PCDH9: variants seen among roughly 807,000 people sequenced by gnomAD.
PCDH9 encodes protocadherin 9.
A neutral mutation model predicts 70.6 loss-of-function variants in PCDH9; 24 were observed. That is an observed-to-expected ratio of 0.34 (90% confidence interval 0.25 to 0.48). The LOEUF is 0.48. PCDH9 is among the 20% of genes least tolerant of loss of function. The pLI is 0.99. For synonymous variants in PCDH9, 562 were observed against 558.5 expected, an observed-to-expected ratio of 1.01 and a Z score of -0.09; for missense variants, 1,281 against 1,503.6, an observed-to-expected ratio of 0.85 and a Z score of 2.45.
At chr13:66,794,302 G>C (rs2080205954) in intron 3 of PCDH9, among the ~76,000 whole-genome samples, 1 of 151,998 alleles carries the variant, frequency 6.6e-6, no homozygotes, top group Non-Finnish European at 1.5e-5. Flanking sequence ...GGGAGGGATA[G>C]AGCAAGGGAA....
At chr13:66,878,384 G>C (rs986215681) in intron 3 of PCDH9, among the ~76,000 whole-genome samples, 10 of 151,800 alleles carry the variant, frequency 6.6e-5, no homozygotes, top group African/African-American at 2.4e-4. Context: ...CCGCCACCAC[G>C]CCCGGCTAAT....
intron 2 of PCDH9, among the ~76,000 whole-genome samples, chr13:66,908,434 G>T (rs2082400875): frequency 6.6e-6 from 1 of 152,156 alleles, no homozygotes; most frequent in Non-Finnish European, 1.5e-5. Flanking sequence ...CTTCAGTGGA[G>T]TCTGTTTAAG....
intron 3 of PCDH9, among the ~76,000 whole-genome samples, chr13:66,777,824 C>G (rs1380833885): frequency 1.3e-5 from 2 of 152,142 alleles, no homozygotes; most frequent in Non-Finnish European, 2.9e-5. Flanking sequence ...TATAAAGACA[C>G]ATGCACACGT....
chr13:66,763,398 G>A (rs1034416878), intron 3 of PCDH9, among the ~76,000 whole-genome samples: 32 of 151,840 alleles, frequency 2.1e-4, no homozygotes, highest in African/African-American at 7.5e-4. Context: ...TAAGAATAAG[G>A]GATATAAGAA....
chr13:67,225,839 T>G lies in PCDH9; in HGVS notation c.2602A>C (p.Lys868Gln). Reference protein sequence around the residue: ...SPNQENKQNKKKKRKKRKSPK... With the variant: ...SPNQENKQNKQKKRKKRKSPK... ...GACTTCCTTTTCTTTCTTTTCTTTT[T>G]CTTGTTTTGCTTGTTCTCCTGGTTT... The change falls in exon 2 of 5, where the codon AAA becomes CAA. Residue 868 changes from lysine (K) to glutamine (Q), a missense_variant. By Grantham distance (53) the Lys-to-Gln change is moderately conservative (BLOSUM62 1). Coordinates refer to ENST00000377865, the MANE Select transcript of PCDH9 (RefSeq NM_203487.3). 6.2e-7 allele frequency: 1 copy of G among 1,614,150 alleles called. No individual in the cohort carries two copies. Among genetic ancestry groups the G allele is most frequent in the Non-Finnish European group, 8.5e-7 (1 of 1,180,026 alleles).
chr13:66,564,706 CCTT>C (rs1160275695), intron 4 of PCDH9, among the ~76,000 whole-genome samples: 1 of 151,930 alleles, frequency 6.6e-6, no homozygotes, highest in Non-Finnish European at 1.5e-5. Flanking sequence ...ATAAAATATT[CCTT>C]CTTGTTGCTG....
intron 2 of PCDH9, among the ~76,000 whole-genome samples, chr13:67,161,466 C>T (rs987005454): frequency 1.1e-4 from 17 of 152,200 alleles, no homozygotes; most frequent in Admixed American, 2.0e-4. Context: ...CTGATTTCAG[C>T]CTCCTCTGAA....
At chr13:66,715,913 G>T (rs1459240962) in intron 3 of PCDH9, among the ~76,000 whole-genome samples, 1 of 152,188 alleles carries the variant, frequency 6.6e-6, no homozygotes, top group Non-Finnish European at 1.5e-5. Context: ...TAGTAAGAAA[G>T]GGTCTTTGGA....
intron 3 of PCDH9, among the ~76,000 whole-genome samples, chr13:66,681,678 C>A (rs940205739): frequency 6.6e-6 from 1 of 152,034 alleles, no homozygotes; most frequent in Non-Finnish European, 1.5e-5. Flanking sequence ...CTTTTATCAT[C>A]CAAGTCTCAT....
intron 2 of PCDH9, among the ~76,000 whole-genome samples, chr13:66,971,109 C>T (rs140333993): frequency 6.6e-6 from 1 of 152,166 alleles, no homozygotes; most frequent in Non-Finnish European, 1.5e-5. Flanking sequence ...AGTTTTTAGA[C>T]TCTTCTGCCT....
At chr13:67,133,007 C>A (rs995937930) in intron 2 of PCDH9, among the ~76,000 whole-genome samples, 1 of 152,008 alleles carries the variant, frequency 6.6e-6, no homozygotes. Flanking sequence ...TTCACTGATA[C>A]TCCTCAAAAG....
At chr13:67,127,221 A>C (rs2086998773) in intron 2 of PCDH9, among the ~76,000 whole-genome samples, 2 of 152,158 alleles carry the variant, frequency 1.3e-5, no homozygotes, top group African/African-American at 4.8e-5. Context: ...TAAGAGGCTG[A>C]CTCAGCTGAC....
chr13:66,855,692 G>A (rs891663409), intron 3 of PCDH9, among the ~76,000 whole-genome samples: 4 of 151,986 alleles, frequency 2.6e-5, no homozygotes, highest in South Asian at 4.1e-4. Context: ...AAGGCTCAGA[G>A]AGTTCAGGAA....
At chr13:66,455,713 T>C (rs1451302837) in intron 4 of PCDH9, among the ~76,000 whole-genome samples, 3 of 152,144 alleles carry the variant, frequency 2.0e-5, no homozygotes, top group African/African-American at 7.2e-5. Context: ...TCATTTATAA[T>C]ATTTAGTTTC....
chr13:66,312,994 T>A (rs1294733007), intron 4 of PCDH9, among the ~76,000 whole-genome samples: 1 of 152,202 alleles, frequency 6.6e-6, no homozygotes, highest in Non-Finnish European at 1.5e-5. Flanking sequence ...ACAGACTTTA[T>A]GGCTCACTAA....
intron 4 of PCDH9, among the ~76,000 whole-genome samples, chr13:66,449,175 AT>A (rs1169509990): frequency 1.3e-5 from 2 of 152,178 alleles, no homozygotes; most frequent in African/African-American, 2.4e-5. Flanking sequence ...AGGTGCTTTT[AT>A]ATTAAATACC....
At chr13:67,048,899 T>C (rs2085272134) in intron 2 of PCDH9, among the ~76,000 whole-genome samples, 1 of 152,136 alleles carries the variant, frequency 6.6e-6, no homozygotes, top group Admixed American at 6.6e-5. Context: ...CCAGGACAGC[T>C]TGAGTTAAAA....
intron 2 of PCDH9, among the ~76,000 whole-genome samples, chr13:67,027,039 T>G (rs1363317276): frequency 3.9e-5 from 6 of 152,234 alleles, no homozygotes; most frequent in South Asian, 4.1e-4. Context: ...ACCAATGAGT[T>G]TCTTCACAGA....
At chr13:66,817,440 C>A (rs556451149) in intron 3 of PCDH9, among the ~76,000 whole-genome samples, 12 of 152,210 alleles carry the variant, frequency 7.9e-5, no homozygotes, top group African/African-American at 2.6e-4. Flanking sequence ...CAATATTCTA[C>A]AGCATGTCTT....
Sources: gnomAD v4.1 joint callset for allele counts (sites outside exome capture counted in the v4.1 genomes callset) on GRCh38, gnomAD v4.1.1 for gene constraint, MANE v1.5 for transcripts, NCBI Gene and HGNC (gene_info 2026-07-23, HGNC 2026-07-21) for gene names.